Variants in ZC3H12B observed in about 807,000 individuals in gnomAD.
The protein encoded by ZC3H12B is zinc finger CCCH-type containing 12B.
Under a neutral mutation model 43.9 loss-of-function variants are expected in ZC3H12B, and 7 were observed. The ratio of observed to expected loss-of-function variants is 0.16; its 90% CI spans 0.09 to 0.30. ZC3H12B has a LOEUF of 0.30. ZC3H12B is among the 10% of genes least tolerant of loss of function. The pLI, the probability that ZC3H12B is intolerant of heterozygous loss-of-function variation, is 1.00. For missense variants in ZC3H12B, 475 were observed against 670.2 expected (o/e 0.71, Z 3.22); for synonymous variants, 222 against 241.7 (o/e 0.92, Z 0.76).
the ZC3H12B span, among the ~76,000 whole-genome samples, chrX:65,177,037 C>T: frequency 8.9e-6 from 1 of 112,179 alleles, no homozygotes; most frequent in Non-Finnish European, 1.9e-5. Context: ...CAATAAAATA[C>T]AGGCAAACCA....
At chrX:65,078,695 G>A in the ZC3H12B span, among the ~76,000 whole-genome samples, 1 of 111,340 alleles carries the variant, frequency 9.0e-6, no homozygotes, top group African/African-American at 3.3e-5. Flanking sequence ...TGGAGACAAG[G>A]AGAATAGACA....
chrX:65,062,172 C>T, the ZC3H12B span, among the ~76,000 whole-genome samples: 1 of 112,356 alleles, frequency 8.9e-6, no homozygotes, highest in South Asian at 3.7e-4. Flanking sequence ...AATTAGATCC[C>T]ATTTGTCAAT....
intron 3 of ZC3H12B, among the ~76,000 whole-genome samples, chrX:65,436,252 C>T (rs2067220799): frequency 8.9e-6 from 1 of 111,980 alleles, no homozygotes; most frequent in Admixed American, 9.4e-5. Context: ...CAATAACCTC[C>T]CACTAGGCCC....
the ZC3H12B span, among the ~76,000 whole-genome samples, chrX:65,322,949 C>A: frequency 9.0e-6 from 1 of 110,896 alleles, no homozygotes; most frequent in Non-Finnish European, 1.9e-5. Flanking sequence ...AAATTTATTT[C>A]TAAGTATTAT....
the ZC3H12B span, among the ~76,000 whole-genome samples, chrX:65,289,989 A>G: frequency 7.2e-5 from 8 of 111,094 alleles, no homozygotes; most frequent in African/African-American, 2.6e-4. Context: ...TGGGGCTTAA[A>G]CTAAAAAGCT....
the ZC3H12B span, among the ~76,000 whole-genome samples, chrX:65,227,020 C>A: frequency 9.0e-6 from 1 of 111,075 alleles, no homozygotes; most frequent in South Asian, 3.8e-4. Flanking sequence ...CTCAACTCTG[C>A]ACCAAGCGGA....
chrX:65,473,495 G>T (rs1162237105), intron 3 of ZC3H12B, among the ~76,000 whole-genome samples: 1 of 112,017 alleles, frequency 8.9e-6, no homozygotes, highest in Admixed American at 9.5e-5. Flanking sequence ...CTCACTTTGG[G>T]TAGTATGGAC....
At chrX:65,085,269 G>A in the ZC3H12B span, among the ~76,000 whole-genome samples, 6 of 111,402 alleles carry the variant, frequency 5.4e-5, no homozygotes, top group African/African-American at 9.8e-5. Flanking sequence ...AGAGTAATTG[G>A]ACTGTTTGTA....
chrX:65,356,900 T>A, the ZC3H12B span: 1 of 378,702 alleles, frequency 2.6e-6, no homozygotes, highest in Non-Finnish European at 5.0e-6. Context: ...ACATGGATAA[T>A]TGAAGATCTG....
chrX:65,384,450 C>T (rs933953784), intron 2 of ZC3H12B, among the ~76,000 whole-genome samples: 6 of 110,682 alleles, frequency 5.4e-5, no homozygotes, highest in African/African-American at 2.0e-4. Context: ...CAGCATGGCA[C>T]ATGTATACAT....
chrX:65,448,983 A>AAG (rs1556209521), intron 3 of ZC3H12B, among the ~76,000 whole-genome samples: 3 of 95,253 alleles, frequency 3.1e-5, no homozygotes, highest in African/African-American at 5.1e-5. Context: ...AAGAAAGAGA[A>AAG]AGAAAGAAAG....
chrX:65,080,791 A>G, the ZC3H12B span, among the ~76,000 whole-genome samples: 1 of 111,568 alleles, frequency 9.0e-6, no homozygotes, highest in East Asian at 2.8e-4. Context: ...AAGGTACAAA[A>G]CTCACTGGTA....
At chrX:65,482,973 G>A (rs1775671537) in intron 3 of ZC3H12B, among the ~76,000 whole-genome samples, 2 of 111,922 alleles carry the variant, frequency 1.8e-5, no homozygotes, top group Non-Finnish European at 3.8e-5. Flanking sequence ...GGGAGTGGGA[G>A]GACAAGAATT....
chrX:65,305,086 T>C, the ZC3H12B span, among the ~76,000 whole-genome samples: 1 of 111,837 alleles, frequency 8.9e-6, no homozygotes, highest in African/African-American at 3.2e-5. Flanking sequence ...AGAAATGCAA[T>C]TAAAGTCACA....
At chrX:65,324,782 T>A in the ZC3H12B span, among the ~76,000 whole-genome samples, 1 of 111,000 alleles carries the variant, frequency 9.0e-6, no homozygotes, top group Non-Finnish European at 1.9e-5. Context: ...TCCTGCTTGA[T>A]GGACTATTCT....
the ZC3H12B span, among the ~76,000 whole-genome samples, chrX:65,223,547 G>A: frequency 8.9e-6 from 1 of 112,521 alleles, no homozygotes; most frequent in Non-Finnish European, 1.9e-5. Flanking sequence ...CCCACAGAGT[G>A]GGAGAAAGTT....
At chrX:65,114,302 G>T in the ZC3H12B span, among the ~76,000 whole-genome samples, 4 of 108,808 alleles carry the variant, frequency 3.7e-5, no homozygotes, top group African/African-American at 1.3e-4. Context: ...TTACATTCTG[G>T]AAAAGATTAT....
chrX:65,506,961 C>G (rs902872460), exon 5 of ZC3H12B: 1 of 111,780 alleles, frequency 8.9e-6, no homozygotes, highest in Non-Finnish European at 1.9e-5. Context: ...CCCTCTCTCT[C>G]TCTCTCTCTG....
chrX:65,201,651 T>C, the ZC3H12B span, among the ~76,000 whole-genome samples: 1 of 102,005 alleles, frequency 9.8e-6, no homozygotes, highest in Admixed American at 1.1e-4. Flanking sequence ...TCTCTCTCTC[T>C]CTCTCTCTCT....
Sources: gnomAD v4.1 joint callset for allele counts (sites outside exome capture counted in the v4.1 genomes callset) on GRCh38, gnomAD v4.1.1 for gene constraint, MANE v1.5 for transcripts, NCBI Gene and HGNC (gene_info 2026-07-23, HGNC 2026-07-21) for gene names.